CNTNAP2: variants seen among roughly 807,000 people sequenced by gnomAD.
The protein encoded by CNTNAP2 is contactin-associated protein-like 2.
In CNTNAP2, 98 loss-of-function variants were observed where a neutral mutation model predicts 155.2. That is an observed-to-expected ratio of 0.63 (90% CI 0.54 to 0.75). The LOEUF (loss-of-function observed/expected upper bound fraction) is 0.75, where lower values mean the gene tolerates loss of function less well. CNTNAP2 is among the 30% of genes least tolerant of loss of function. The probability of loss-of-function intolerance (pLI) is 0.00; values close to 1 mark genes in which losing one functional copy is unlikely to be tolerated. For missense variants in CNTNAP2, 1,727 were observed against 1,688.1 expected (o/e 1.02, Z -0.40); for synonymous variants, 651 against 631.2 (o/e 1.03, Z -0.47).
intron 8 of CNTNAP2, among the ~76,000 whole-genome samples, chr7:147,242,632 T>A (rs1249715882): frequency 6.6e-6 from 1 of 152,196 alleles, no homozygotes. Context: ...AAAGTTTTCC[T>A]TATCGCTCTT....
chr7:147,943,192 A>C (rs192416814), intron 14 of CNTNAP2, among the ~76,000 whole-genome samples: 1 of 152,206 alleles, frequency 6.6e-6, no homozygotes, highest in Admixed American at 6.5e-5. Context: ...GACAATACCT[A>C]TCTCACTTTA....
intron 1 of CNTNAP2, among the ~76,000 whole-genome samples, chr7:146,340,714 C>G (rs540030810): frequency 2.6e-5 from 4 of 152,088 alleles, no homozygotes; most frequent in Non-Finnish European, 5.9e-5. Context: ...TACTAAGATT[C>G]TTATTTTATC....
At chr7:148,201,952 A>G (rs1305120791) in intron 18 of CNTNAP2, among the ~76,000 whole-genome samples, 1 of 151,984 alleles carries the variant, frequency 6.6e-6, no homozygotes, top group Non-Finnish European at 1.5e-5. Flanking sequence ...GAAGGACAGT[A>G]TTACAAGCAG....
At chr7:147,171,164 C>T (rs1245915373) in intron 8 of CNTNAP2, among the ~76,000 whole-genome samples, 2 of 152,172 alleles carry the variant, frequency 1.3e-5, no homozygotes, top group African/African-American at 4.8e-5. Context: ...GTCCCCCAGG[C>T]TCTTCACTCA....
intron 11 of CNTNAP2, among the ~76,000 whole-genome samples, chr7:147,501,549 G>A (rs982291595): frequency 6.6e-6 from 1 of 152,126 alleles, no homozygotes; most frequent in Non-Finnish European, 1.5e-5. Context: ...ATGCAATTTG[G>A]TGTACTTCAA....
rs542002734 is a variant in CNTNAP2, at chr7:148,233,981, AC to A, written c.3381+4206del. On this transcript the variant is annotated intron_variant, in intron 20 of 23. Transcript: ENST00000361727. ...TCAGGCCATGTAAGACATGCCTGCT[AC>A]CCCTTTGTCTTCTACTATGATTGTA... Among the ~76,000 whole-genome samples the A allele has an allele frequency of 2.3e-3, 353 of 152,126 alleles. 1 individual carries two copies. Among genetic ancestry groups the A allele is most frequent in the African/African-American group, 8.3e-3 (345 of 41,510 alleles).
intron 3 of CNTNAP2, among the ~76,000 whole-genome samples, chr7:146,973,046 T>C (rs1797834727): frequency 6.6e-6 from 1 of 152,152 alleles, no homozygotes; most frequent in African/African-American, 2.4e-5. Context: ...CTCTCTTTTT[T>C]AAAGGAAGTT....
At chr7:148,124,249 TTTG>T (rs1023244300) in intron 16 of CNTNAP2, among the ~76,000 whole-genome samples, 10 of 152,164 alleles carry the variant, frequency 6.6e-5, no homozygotes, top group Admixed American at 3.3e-4. Flanking sequence ...CAAATCAGAA[TTTG>T]TTGTTGTTGT....
chr7:148,097,079 T>C (rs1803987328), intron 15 of CNTNAP2, among the ~76,000 whole-genome samples: 1 of 152,078 alleles, frequency 6.6e-6, no homozygotes, highest in Admixed American at 6.5e-5. Context: ...TCGTGGTACA[T>C]GTCTTTGTGA....
At chr7:147,578,670 G>C (rs1410056171) in intron 12 of CNTNAP2, among the ~76,000 whole-genome samples, 1 of 151,782 alleles carries the variant, frequency 6.6e-6, no homozygotes, top group Non-Finnish European at 1.5e-5. Context: ...CTACCATAGT[G>C]GAAAATTATT....
rs149160170 is a variant in CNTNAP2, at chr7:147,053,593, G to A, written c.550+9539G>A. Among the ~76,000 whole-genome samples, 554 of 151,990 alleles carry A rather than the reference G, an allele frequency of 3.6e-3. 3 individuals carry two copies. Among genetic ancestry groups the A allele is most frequent in the Middle Eastern group, 6.8e-3 (2 of 294 alleles). ...ACTGACATATAAAATCAAGAGTGTC[G>A]ATTTAAAAGCAAATTAAAATTTCTG... is the stretch of plus-strand genomic sequence containing the variant. On this transcript the variant is annotated intron_variant, in intron 4 of 23. Coordinates refer to ENST00000361727, the MANE Select transcript of CNTNAP2 (RefSeq NM_014141.6).
intron 3 of CNTNAP2, among the ~76,000 whole-genome samples, chr7:146,907,525 C>A (rs1796162404): frequency 1.5e-5 from 2 of 133,914 alleles, no homozygotes; most frequent in South Asian, 2.7e-4. Context: ...AATTTTCAAC[C>A]CAGAATTTCA....
intron 1 of CNTNAP2, among the ~76,000 whole-genome samples, chr7:146,542,133 C>A (rs889228340): frequency 6.6e-6 from 1 of 151,870 alleles, no homozygotes; most frequent in Non-Finnish European, 1.5e-5. Context: ...CATCCAGCTT[C>A]TTTTTTCTAC....
intron 11 of CNTNAP2, among the ~76,000 whole-genome samples, chr7:147,531,085 G>A (rs1487390523): frequency 6.6e-6 from 1 of 152,182 alleles, no homozygotes; most frequent in Non-Finnish European, 1.5e-5. Flanking sequence ...TGATGCAAGG[G>A]GTGGGTTCCC....
chr7:147,233,674 C>A (rs909072505), intron 8 of CNTNAP2, among the ~76,000 whole-genome samples: 1 of 151,604 alleles, frequency 6.6e-6, no homozygotes, highest in Non-Finnish European at 1.5e-5. Flanking sequence ...CACACATACA[C>A]ATACACATGT....
chr7:147,787,368 T>C (rs1797756567), intron 13 of CNTNAP2, among the ~76,000 whole-genome samples: 1 of 152,162 alleles, frequency 6.6e-6, no homozygotes, highest in Non-Finnish European at 1.5e-5. Flanking sequence ...TCAGACAGAT[T>C]TGTAGACCCA....
chr7:148,385,429 G>A (rs1799170056), intron 22 of CNTNAP2, among the ~76,000 whole-genome samples: 1 of 152,176 alleles, frequency 6.6e-6, no homozygotes, highest in South Asian at 2.1e-4. Flanking sequence ...GGCCACAGAG[G>A]AACAGAGATC....
intron 10 of CNTNAP2, among the ~76,000 whole-genome samples, chr7:147,434,586 C>T (rs1797520698): frequency 1.3e-5 from 2 of 152,208 alleles, no homozygotes; most frequent in Non-Finnish European, 2.9e-5. Context: ...GGACTTTAAA[C>T]AAATACAATT....
At chr7:147,365,638 C>T (rs1796217649) in intron 9 of CNTNAP2, among the ~76,000 whole-genome samples, 2 of 151,988 alleles carry the variant, frequency 1.3e-5, no homozygotes, top group African/African-American at 4.8e-5. Context: ...TCTCTTTACT[C>T]ACCTCTTAGA....
Sources: gnomAD v4.1 joint callset for allele counts (sites outside exome capture counted in the v4.1 genomes callset) on GRCh38, gnomAD v4.1.1 for gene constraint, MANE v1.5 for transcripts, NCBI Gene and HGNC (gene_info 2026-07-23, HGNC 2026-07-21) for gene names.